The following HEATR5B variants were observed in gnomAD, a reference collection of about 807,000 sequenced individuals.
The protein encoded by HEATR5B is HEAT repeat containing 5B, also known as HEAT repeat-containing protein 5B.
Under a neutral mutation model 224.1 loss-of-function variants are expected in HEATR5B, and 156 were observed. That is an observed-to-expected ratio of 0.70 (90% CI 0.61 to 0.80). The LOEUF (loss-of-function observed/expected upper bound fraction) is 0.80. HEATR5B is among the 30% of genes least tolerant of loss of function. The pLI, the probability that HEATR5B is intolerant of heterozygous loss-of-function variation, is 0.00. For missense variants in HEATR5B, 2,323 were observed against 2,535.5 expected, an observed-to-expected ratio of 0.92 and a Z score of 1.80; for synonymous variants, 1,027 against 893.0, an observed-to-expected ratio of 1.15 and a Z score of -2.68.
chr2:36,985,827 A>G (rs780487067), intron 35 of HEATR5B, among the ~76,000 whole-genome samples: 1 of 151,866 alleles, frequency 6.6e-6, no homozygotes, highest in Non-Finnish European at 1.5e-5. Context: ...TTGATAGTTG[A>G]AATTACAATG....
At chr2:36,984,061 G>A (rs1351518657) in intron 35 of HEATR5B, among the ~76,000 whole-genome samples, 5 of 149,400 alleles carry the variant, frequency 3.3e-5, no homozygotes, top group African/African-American at 1.2e-4. Flanking sequence ...TTAGCTGGAC[G>A]TGGTGGCAGG....
intron 6 of HEATR5B, among the ~76,000 whole-genome samples, chr2:37,071,628 C>T (rs542295657): frequency 1.3e-5 from 2 of 151,432 alleles, no homozygotes; most frequent in Admixed American, 6.6e-5. Context: ...ATATCCTGTA[C>T]ATTATCATCA....
At chr2:36,997,567 CTT>C (rs10699174) in intron 33 of HEATR5B, among the ~76,000 whole-genome samples, 4 of 129,558 alleles carry the variant, frequency 3.1e-5, no homozygotes, top group Non-Finnish European at 4.7e-5. Flanking sequence ...CTCTGCCATT[CTT>C]TTTTTTTTTT....
chr2:37,005,973 G>A (rs143481924), intron 29 of HEATR5B, among the ~76,000 whole-genome samples: 306 of 152,302 alleles, frequency 2.0e-3, no homozygotes, highest in African/African-American at 7.0e-3. Flanking sequence ...AATTAGCTAT[G>A]TGTGAAAGAA....
At position 37,069,193 on chromosome 2, in the gene HEATR5B, G is replaced by C. The variant is rs1671764080; in HGVS notation, c.928-263C>G. On this transcript the variant is annotated intron_variant, in intron 7 of 35. Coordinates refer to ENST00000233099, the MANE Select transcript of HEATR5B (RefSeq NM_019024.3). The stretch of plus-strand genomic sequence containing the variant: ...ACAGCAGTGAGAGGGAAGGGAAGCT[G>C]AATTTACCCCAGTGATCGGGAAGGT... 2.6e-5 allele frequency among the ~76,000 whole-genome samples: 4 copies of C among 152,318 alleles called. No individual in the cohort carries two copies. In the South Asian group the frequency reaches 6.2e-4, roughly 24 times the overall value.
Position 37,083,201 on chromosome 2 carries a change from T to G in HEATR5B, c.126+88A>C. On this transcript the variant is annotated intron_variant, in intron 2 of 35. Coordinates refer to ENST00000233099, the MANE Select transcript of HEATR5B (RefSeq NM_019024.3). ...AGTTCCATAAGTGACCCATAAACCT[T>G]CCAAAACATAACATGTGTTTTCTTA... 2.7e-6 allele frequency: 4 copies of G among 1,487,318 alleles called. No homozygotes were observed. In the South Asian group the frequency reaches 3.4e-5, roughly 13 times the overall value. The allele number at this position is 1,487,318 out of a possible 1,614,324, so 92.1% of individuals were successfully genotyped here.
At chr2:36,984,985 A>T (rs894544577) in intron 35 of HEATR5B, among the ~76,000 whole-genome samples, 17 of 152,202 alleles carry the variant, frequency 1.1e-4, no homozygotes, top group African/African-American at 4.1e-4. Context: ...AAGGAGTCAA[A>T]TATAATTCTA....
chr2:37,070,944 G>A (rs569862167), intron 6 of HEATR5B, among the ~76,000 whole-genome samples: 4 of 152,120 alleles, frequency 2.6e-5, no homozygotes, highest in African/African-American at 4.8e-5. Context: ...TTGGCTGCCC[G>A]GAATTTGAAT....
At chr2:37,054,774 C>T (rs111642645) in intron 16 of HEATR5B, among the ~76,000 whole-genome samples, 3 of 152,116 alleles carry the variant, frequency 2.0e-5, no homozygotes, top group Admixed American at 1.3e-4. Context: ...TGAGCCACAA[C>T]GCCCGGCCCA....
Position 37,047,482 on chromosome 2 carries a change from T to A in HEATR5B, c.2696+2171A>T, listed in dbSNP as rs550330431. On this transcript the variant is annotated intron_variant, in intron 18 of 35. Coordinates refer to ENST00000233099, the MANE Select transcript of HEATR5B (RefSeq NM_019024.3). ...GCAGAATCAATGTTCACAGTGATAA[T>A]CATCTCTTCACAGTAAATAATCTTA... Among the ~76,000 whole-genome samples, 3 of 152,348 alleles carry A rather than the reference T, an allele frequency of 2.0e-5. No homozygotes were observed. The South Asian group carries it at 6.2e-4, about 32-fold the overall frequency.
intron 21 of HEATR5B, among the ~76,000 whole-genome samples, chr2:37,036,470 A>T (rs1669480853): frequency 6.6e-6 from 1 of 151,970 alleles, no homozygotes; most frequent in African/African-American, 2.4e-5. Context: ...TGCCCTTTGT[A>T]AACTAATTCC....
At chr2:37,072,443 T>C (rs1464080576) in intron 5 of HEATR5B, among the ~76,000 whole-genome samples, 162 bp from the exon 6 acceptor site, 3 of 152,162 alleles carry the variant, frequency 2.0e-5, no homozygotes, top group Admixed American at 6.5e-5. Context: ...CAATGAAGCA[T>C]CTTTGAGGAA....
chr2:37,028,730 T>A lies in HEATR5B; in HGVS notation c.3552A>T (p.Lys1184Asn), dbSNP rs1668934519. 1 of 1,613,920 alleles carries A rather than the reference T, an allele frequency of 6.2e-7. No individual in the cohort carries two copies. Among genetic ancestry groups the A allele is most frequent in the African/African-American group, 1.3e-5 (1 of 75,012 alleles). The change falls in exon 23 of 36, where the codon AAA becomes AAT. Residue 1184 changes from lysine (K) to asparagine (N), a missense_variant. By Grantham distance (94) the Lys-to-Asn change is moderately conservative (BLOSUM62 0). Coordinates refer to ENST00000233099, the MANE Select transcript of HEATR5B (RefSeq NM_019024.3). Reference protein sequence around the residue: ...GHMLSSLAVEKLSHWLMLCKD... With the variant: ...GHMLSSLAVENLSHWLMLCKD... ...TACAAAGCATTAGCCAATGAGAAAGTTTTTCTACTGCCAGCGAAGAAAGCA... is the reference window on the plus strand; with the variant it reads ...TACAAAGCATTAGCCAATGAGAAAGATTTTCTACTGCCAGCGAAGAAAGCA...
At chr2:37,000,368 G>T (rs1188366602) in intron 33 of HEATR5B, among the ~76,000 whole-genome samples, 1 of 152,054 alleles carries the variant, frequency 6.6e-6, no homozygotes, top group Non-Finnish European at 1.5e-5. Context: ...GGGCCACCAC[G>T]CCTGGCCCCA....
chr2:37,065,536 C>T (rs1360418621), intron 9 of HEATR5B, among the ~76,000 whole-genome samples: 3 of 151,974 alleles, frequency 2.0e-5, no homozygotes, highest in Admixed American at 6.6e-5. Context: ...CTTGAACTCC[C>T]GATCTCAAGT....
chr2:37,068,915 C>T lies in HEATR5B; in HGVS notation c.943G>A (p.Val315Met). The T allele has an allele frequency of 6.2e-7, 1 of 1,613,190 alleles. No homozygotes were observed. Among genetic ancestry groups the T allele is most frequent in the Non-Finnish European group, 8.5e-7 (1 of 1,179,366 alleles). Residue 315 changes from valine (V) to methionine (M), a missense_variant, in exon 8 of 36, where the codon GTG becomes ATG. Around this residue, in one of 12 missense-constraint regions of HEATR5B, gnomAD observed 502 missense variants for 517.8 expected, o/e 0.97. Transcript: ENST00000233099. Reference protein sequence around the residue: ...VGVTQAYVVFVTTLGGQWLER... With the variant: ...VGVTQAYVVFMTTLGGQWLER... ...AACCACTGACCACCCAATGTTGTCA[C>T]AAAAACAACATACGCCTGTAAAAAG...
chr2:37,016,293 A>G (rs1218485094), intron 26 of HEATR5B, among the ~76,000 whole-genome samples: 1 of 151,890 alleles, frequency 6.6e-6, no homozygotes, highest in African/African-American at 2.4e-5. Context: ...TTGTATTTTT[A>G]GTAGAGACGG....
intron 30 of HEATR5B, among the ~76,000 whole-genome samples, chr2:37,004,358 C>T (rs1189573641): frequency 2.0e-5 from 3 of 150,344 alleles, no homozygotes; most frequent in African/African-American, 7.4e-5. Context: ...CTGATCATAT[C>T]TCGTATGTTT....
intron 19 of HEATR5B, 124 bp downstream of exon 19, chr2:37,041,009 T>C: frequency 1.4e-6 from 1 of 721,366 alleles, no homozygotes; most frequent in Non-Finnish European, 2.2e-6. Context: ...TATGTACTAT[T>C]ACAAAAACAA....
Sources: gnomAD v4.1 joint callset for allele counts (sites outside exome capture counted in the v4.1 genomes callset) on GRCh38, gnomAD v4.1.1 for gene constraint, gnomAD v4.1.1 regional missense constraint, MANE v1.5 for transcripts, NCBI Gene and HGNC (gene_info 2026-07-23, HGNC 2026-07-21) for gene names.